CYP7B1: variants seen among roughly 807,000 people sequenced by gnomAD.
CYP7B1 encodes the protein cytochrome P450 family 7 subfamily B member 1.
Under a neutral mutation model 42.7 loss-of-function variants are expected in CYP7B1, and 29 were observed. The observed-to-expected ratio is 0.68, with a 90% confidence interval of 0.51 to 0.93. The LOEUF is 0.93. Ranked by LOEUF, CYP7B1 falls within the 40% of genes least tolerant of loss-of-function variation. CYP7B1 has a pLI of 0.00. For missense variants in CYP7B1, 655 were observed against 600.5 expected (o/e 1.09, Z -0.95); for synonymous variants, 235 against 218.2 (o/e 1.08, Z -0.68).
At chr8:64,647,347 A>G (rs899283920) in intron 1 of CYP7B1, among the ~76,000 whole-genome samples, 1 of 152,236 alleles carries the variant, frequency 6.6e-6, no homozygotes, top group Non-Finnish European at 1.5e-5. Context: ...AATTATCAAA[A>G]TGTGACACAA....
Position 64,656,591 on chromosome 8 carries a change from ATTTCT to A in CYP7B1, c.123-32057_123-32053del, listed in dbSNP as rs558725598. Reference sequence around the variant, plus strand: ...GCCTAGCTGCCAAGACACCAGGGACATTTCTTATGCACCACCATATCCCAAAGTAC... The same window carrying A: ...GCCTAGCTGCCAAGACACCAGGGACATATGCACCACCATATCCCAAAGTAC... On this transcript the variant is annotated intron_variant, in intron 1 of 5. Coordinates refer to ENST00000310193, the MANE Select transcript of CYP7B1 (RefSeq NM_004820.5). 2.6e-5 allele frequency among the ~76,000 whole-genome samples: 4 copies of A among 152,340 alleles called. No individual in the cohort carries two copies. The East Asian group carries it at 5.8e-4, about 22-fold the overall frequency.
intron 1 of CYP7B1, among the ~76,000 whole-genome samples, chr8:64,638,161 T>C (rs1201260923): frequency 1.3e-5 from 2 of 152,130 alleles, no homozygotes; most frequent in Non-Finnish European, 2.9e-5. Context: ...AATTGTCTAT[T>C]TTCTCCAAGT....
At chr8:64,738,183 T>A (rs563150209) in intron 1 of CYP7B1, among the ~76,000 whole-genome samples, 2 of 152,350 alleles carry the variant, frequency 1.3e-5, no homozygotes, top group Admixed American at 1.3e-4. Context: ...GTAAAAATAC[T>A]TTTCTAACTC....
chr8:64,652,348 C>T (rs1044727753), intron 1 of CYP7B1, among the ~76,000 whole-genome samples: 4 of 152,104 alleles, frequency 2.6e-5, no homozygotes, highest in Non-Finnish European at 5.9e-5. Context: ...CAGAACGCTC[C>T]ACCCAAAAAA....
At chr8:64,654,970 T>C (rs1806099929) in intron 1 of CYP7B1, among the ~76,000 whole-genome samples, 1 of 152,216 alleles carries the variant, frequency 6.6e-6, no homozygotes, top group Admixed American at 6.5e-5. Flanking sequence ...GCTAGCCATA[T>C]GCCCAAGATT....
chr8:64,773,317 G>A (rs896967711), intron 1 of CYP7B1, among the ~76,000 whole-genome samples: 2 of 152,102 alleles, frequency 1.3e-5, no homozygotes, highest in African/African-American at 4.8e-5. Context: ...ATGTACACTT[G>A]TTTCTCTTTA....
intron 1 of CYP7B1, among the ~76,000 whole-genome samples, chr8:64,703,285 C>A (rs1806944930): frequency 6.6e-6 from 1 of 151,948 alleles, no homozygotes; most frequent in Non-Finnish European, 1.5e-5. Flanking sequence ...AAATAATCAT[C>A]TAGTTGCTAA....
At chr8:64,793,123 C>T (rs1804647348) in intron 1 of CYP7B1, among the ~76,000 whole-genome samples, 1 of 152,154 alleles carries the variant, frequency 6.6e-6, no homozygotes, top group African/African-American at 2.4e-5. Flanking sequence ...AGAAGGAATA[C>T]AGCCTTGACA....
intron 1 of CYP7B1, among the ~76,000 whole-genome samples, chr8:64,638,735 G>GT (rs2129630923): frequency 6.6e-6 from 1 of 152,174 alleles, no homozygotes; most frequent in East Asian, 1.9e-4. Flanking sequence ...CAACACTCGC[G>GT]TAAGTGATAC....
At position 64,787,168 on chromosome 8, in the gene CYP7B1, G is replaced by A. The variant is rs116382250; in HGVS notation, c.122+11298C>T. Among the ~76,000 whole-genome samples the A allele has an allele frequency of 8.8e-3, 1,348 of 152,350 alleles. 16 individuals carry two copies. Among genetic ancestry groups the A allele is most frequent in the African/African-American group, 0.029 (1,205 of 41,572 alleles). On this transcript the variant is annotated intron_variant, in intron 1 of 5. Coordinates refer to ENST00000310193, the MANE Select transcript of CYP7B1 (RefSeq NM_004820.5). ...ACGCCCTGCAGACATTTTCCCCACT[G>A]TGTTGGTGATTAACATTCAGCTCCT... is the stretch of plus-strand genomic sequence containing the variant.
intron 1 of CYP7B1, among the ~76,000 whole-genome samples, chr8:64,749,067 A>C (rs537793220): frequency 4.6e-5 from 7 of 151,768 alleles, no homozygotes; most frequent in South Asian, 2.1e-4. Context: ...TTTCTTTTTT[A>C]TTTTCTTTTT....
At chr8:64,700,007 C>T (rs1453972913) in intron 1 of CYP7B1, among the ~76,000 whole-genome samples, 1 of 152,064 alleles carries the variant, frequency 6.6e-6, no homozygotes, top group Non-Finnish European at 1.5e-5. Context: ...CAACTTGAGT[C>T]CCACTGCTCA....
chr8:64,720,353 T>C (rs1807218455), intron 1 of CYP7B1, among the ~76,000 whole-genome samples: 1 of 152,078 alleles, frequency 6.6e-6, no homozygotes, highest in African/African-American at 2.4e-5. Flanking sequence ...AACAACACAA[T>C]AAAATGAAAA....
chr8:64,770,765 C>G (rs1254022667), intron 1 of CYP7B1, among the ~76,000 whole-genome samples: 2 of 152,210 alleles, frequency 1.3e-5, no homozygotes, highest in Admixed American at 6.5e-5. Flanking sequence ...TCCTTAGGCT[C>G]TCCCCATGGC....
intron 1 of CYP7B1, among the ~76,000 whole-genome samples, chr8:64,657,092 G>C (rs578035669): frequency 4.6e-5 from 7 of 151,774 alleles, no homozygotes; most frequent in African/African-American, 1.7e-4. Flanking sequence ...CAAAAGCAAA[G>C]ACAAAATAGT....
chr8:64,599,656 T>G (rs969222492), intron 5 of CYP7B1, among the ~76,000 whole-genome samples: 1 of 152,226 alleles, frequency 6.6e-6, no homozygotes, highest in Admixed American at 6.5e-5. Context: ...ATTGTTCTTC[T>G]GAATAAAATT....
chr8:64,654,208 G>A (rs1806085983), intron 1 of CYP7B1, among the ~76,000 whole-genome samples: 1 of 152,116 alleles, frequency 6.6e-6, no homozygotes, highest in Admixed American at 6.6e-5. Flanking sequence ...GTGCATCCAA[G>A]TAGAAAGAGA....
intron 5 of CYP7B1, among the ~76,000 whole-genome samples, chr8:64,600,570 G>A (rs189412277): frequency 4.5e-4 from 69 of 152,248 alleles, no homozygotes; most frequent in Non-Finnish European, 7.8e-4. Context: ...TAGCAAGATG[G>A]CAGAGTACAG....
chr8:64,732,280 C>T (rs1038359757), intron 1 of CYP7B1, among the ~76,000 whole-genome samples: 1 of 152,196 alleles, frequency 6.6e-6, no homozygotes, highest in Non-Finnish European at 1.5e-5. Flanking sequence ...CCATGGAAGC[C>T]CACCTCTTGC....
Sources: allele counts gnomAD v4.1 joint callset (sites outside exome capture counted in the v4.1 genomes callset), GRCh38; gene constraint gnomAD v4.1.1; transcripts MANE v1.5; gene names NCBI Gene and HGNC (gene_info 2026-07-23, HGNC 2026-07-21).